ERCC6L2: variants seen among roughly 807,000 people sequenced by gnomAD.
The protein encoded by ERCC6L2 is DNA excision repair protein ERCC-6-like 2.
A neutral mutation model predicts 132.0 loss-of-function variants in ERCC6L2; 77 were observed. That is an observed-to-expected ratio of 0.58 (90% confidence interval 0.49 to 0.71). The LOEUF (loss-of-function observed/expected upper bound fraction) is 0.71, where lower values mean the gene tolerates loss of function less well. Among genes scored for constraint, ERCC6L2 ranks in the 30% least tolerant of loss-of-function variants. The pLI is 0.00. For missense variants in ERCC6L2, 1,542 were observed against 1,837.6 expected, an observed-to-expected ratio of 0.84 and a Z score of 2.94; for synonymous variants, 583 against 632.4, an observed-to-expected ratio of 0.92 and a Z score of 1.17.
intron 11 of ERCC6L2, among the ~76,000 whole-genome samples, chr9:95,937,222 G>A (rs1438303422): frequency 6.6e-6 from 1 of 152,136 alleles, no homozygotes; most frequent in Admixed American, 6.5e-5. Flanking sequence ...TGGCTATATG[G>A]TTTTACATTC....
rs145221304 is a variant in ERCC6L2 at position 95,939,514 on chromosome 9, G to A, written c.1752-1940G>A. 2.7e-3 allele frequency among the ~76,000 whole-genome samples: 414 copies of A among 152,108 alleles called. 1 individual carries two copies. The highest frequency in any genetic ancestry group is 9.6e-3 in the African/African-American group (397 of 41,518). ...ATGGTTTCTGATGTTTCTCTCTGTT[G>A]TTCATATTTCGTGAATGATACTGGT... On this transcript the variant is annotated intron_variant, in intron 11 of 18. Coordinates refer to ENST00000653738, the MANE Select transcript of ERCC6L2 (RefSeq NM_020207.7).
At chr9:95,920,983 G>A (rs1046458449) in intron 6 of ERCC6L2, among the ~76,000 whole-genome samples, 192 bp from the exon 7 acceptor site, 5 of 152,178 alleles carry the variant, frequency 3.3e-5, no homozygotes, top group African/African-American at 4.8e-5. Context: ...CACCATGTTG[G>A]CCAGGATGGT....
intron 12 of ERCC6L2, among the ~76,000 whole-genome samples, chr9:95,951,068 G>A (rs1414445873): frequency 1.3e-5 from 2 of 152,158 alleles, no homozygotes; most frequent in African/African-American, 4.8e-5. Flanking sequence ...TAAATCATGT[G>A]TTAGGCCACA....
At chr9:95,901,318 T>C (rs689627) in intron 3 of ERCC6L2, among the ~76,000 whole-genome samples, 88,612 of 151,778 alleles carry the variant, frequency 0.58, 26,138 homozygotes, top group East Asian at 0.79. Flanking sequence ...TGATGAAATT[T>C]GGAAATTTCC....
chr9:96,005,849 G>A (rs111444263), intron 18 of ERCC6L2, among the ~76,000 whole-genome samples: 2,039 of 152,264 alleles, frequency 0.013, 37 homozygotes, highest in Middle Eastern at 0.041. Context: ...GAAGGAACTC[G>A]GTGATGGGGG....
chr9:96,040,311 G>T (rs1834564526), intron 20 of ERCC6L2, among the ~76,000 whole-genome samples: 1 of 152,154 alleles, frequency 6.6e-6, no homozygotes, highest in African/African-American at 2.4e-5. Context: ...AGTCTCTGCT[G>T]CTGTGGTCAC....
At chr9:95,992,409 A>G (rs1474281092) in intron 17 of ERCC6L2, among the ~76,000 whole-genome samples, 2 of 152,240 alleles carry the variant, frequency 1.3e-5, no homozygotes, top group African/African-American at 4.8e-5. Context: ...TTGCCTTATC[A>G]TTAAATTCAC....
intron 11 of ERCC6L2, among the ~76,000 whole-genome samples, chr9:95,931,058 T>A (rs963371238): frequency 3.9e-5 from 6 of 152,168 alleles, no homozygotes; most frequent in Admixed American, 1.3e-4. Context: ...CAGGGGCAAG[T>A]AGTGCTAAGA....
At chr9:95,930,752 C>T (rs1325346051) in intron 11 of ERCC6L2, among the ~76,000 whole-genome samples, 9 of 151,960 alleles carry the variant, frequency 5.9e-5, no homozygotes, top group East Asian at 1.9e-4. Context: ...CTTGGTTTGC[C>T]GCCATGTTTT....
At chr9:95,982,082 C>T (rs1588018992) in intron 17 of ERCC6L2, among the ~76,000 whole-genome samples, 1 of 152,138 alleles carries the variant, frequency 6.6e-6, no homozygotes, top group South Asian at 2.1e-4. Flanking sequence ...ACACTTGGCA[C>T]TCTTGCAAGT....
chr9:95,923,168 C>G, intron 8 of ERCC6L2, 92 bp from the exon 9 acceptor site: 3 of 1,441,498 alleles, frequency 2.1e-6, no homozygotes, highest in Non-Finnish European at 9.2e-7. Context: ...TACATTCTTT[C>G]TAAAAAGAAT....
Position 95,928,067 on chromosome 9 carries a change from G to C in ERCC6L2, c.1534-12G>C, listed in dbSNP as rs1164985434. 7 of 1,605,110 alleles carry C rather than the reference G, an allele frequency of 4.4e-6. No homozygotes were observed. The highest frequency in any genetic ancestry group is 2.7e-5 in the African/African-American group (2 of 74,712). On this transcript the variant is annotated splice_polypyrimidine_tract_variant and intron_variant, in intron 9 of 18. Transcript: ENST00000653738. ...GGAACTGGTTCACTGATTTTCTGTG[G>C]TTCATTTTCAGGTCCTTCAGCAGCT...
chr9:95,908,628 G>A lies in ERCC6L2; in HGVS notation c.788+1357G>A, dbSNP rs574923093. Among the ~76,000 whole-genome samples, 4 of 152,270 alleles carry A rather than the reference G, an allele frequency of 2.6e-5. No individual in the cohort carries two copies. The East Asian group carries it at 7.7e-4, about 29-fold the overall frequency. On this transcript the variant is annotated intron_variant, in intron 4 of 18. Transcript: ENST00000653738. ...TGAAGTCTTCATAGTTGTTCCAGCA[G>A]TAGGCTGGGCCTTGGTAAAATCATT...
chr9:95,972,487 G>A lies in ERCC6L2; in HGVS notation c.2736G>A (p.Glu912=). ...TCTGTCCTACACAATACACAACTGA[G>A]AGATTCCCCGACAATAGTATAAGGT... is the stretch of plus-strand genomic sequence containing the variant. ...DVICPTQYTT[E]RFPDNSIRFK... is the part of the protein sequence containing the mutation. Residue 912 remains glutamate (E), a synonymous_variant, in exon 16 of 19, where the codon GAG becomes GAA. Coordinates refer to ENST00000653738, the MANE Select transcript of ERCC6L2 (RefSeq NM_020207.7). 7.8e-7 allele frequency: 1 copy of A among 1,289,796 alleles called. No homozygotes were observed. The highest frequency in any genetic ancestry group is 1.0e-6 in the Non-Finnish European group (1 of 988,860). The allele number at this position is 1,289,796 out of a possible 1,614,324, so 79.9% of individuals were successfully genotyped here. A position where few individuals can be genotyped will look rare whatever the true frequency, so the allele number is the denominator to read the frequency against.
intron 17 of ERCC6L2, among the ~76,000 whole-genome samples, chr9:95,986,085 A>G (rs1414565851): frequency 6.6e-6 from 1 of 150,744 alleles, no homozygotes; most frequent in East Asian, 2.0e-4. Flanking sequence ...CTCTCCCCCA[A>G]CTCTCCTCCA....
In ERCC6L2 at chr9:96,012,891, C is replaced by A. The variant is rs1410913033; in HGVS notation, c.4341C>A (p.Asp1447Glu). The part of the protein sequence containing the change: ...SLLGDTSILD[D>E]LFKSHGNSPT... ...TTGGTGATACCTCTATTCTTGATGACCTTTTTAAAAGTCATGGGAACAGTC... is the reference window on the plus strand; with the variant it reads ...TTGGTGATACCTCTATTCTTGATGAACTTTTTAAAAGTCATGGGAACAGTC... Residue 1447 changes from aspartate (D) to glutamate (E), a missense_variant, in exon 19 of 19, where the codon GAC becomes GAA. Asp to Glu is a conservative substitution (Grantham distance 45). Coordinates refer to ENST00000653738, the MANE Select transcript of ERCC6L2 (RefSeq NM_020207.7). 2 of 1,367,510 alleles carry A rather than the reference C, an allele frequency of 1.5e-6. No homozygotes were observed. Among genetic ancestry groups the A allele is most frequent in the African/African-American group, 3.0e-5 (2 of 67,742 alleles). The allele number at this position is 1,367,510 out of a possible 1,614,324, so 84.7% of individuals were successfully genotyped here. A position where few individuals can be genotyped will look rare whatever the true frequency, so the allele number is the denominator to read the frequency against.
intron 2 of ERCC6L2, among the ~76,000 whole-genome samples, chr9:95,896,408 A>ATTTTTTTTTTTTTGTTTTTTTTT (rs11371289): frequency 1.5e-5 from 2 of 136,484 alleles, no homozygotes; most frequent in Non-Finnish European, 3.1e-5. Flanking sequence ...TTGTTTTTTG[A>ATTTTTTTTTTTTTGTTTTTTTTT]TTTTTTTTTT....
intron 6 of ERCC6L2, among the ~76,000 whole-genome samples, chr9:95,917,492 G>A (rs1442725823): frequency 6.6e-6 from 1 of 152,128 alleles, no homozygotes; most frequent in Non-Finnish European, 1.5e-5. Context: ...AGGAAAATAC[G>A]ATATTGATAT....
chr9:95,902,119 T>G (rs1471879744), intron 3 of ERCC6L2, among the ~76,000 whole-genome samples: 1 of 151,218 alleles, frequency 6.6e-6, no homozygotes, highest in Non-Finnish European at 1.5e-5. Flanking sequence ...ACATCTCATA[T>G]ACATTTAAAA....
Sources: gnomAD v4.1 joint callset for allele counts (sites outside exome capture counted in the v4.1 genomes callset) on GRCh38, gnomAD v4.1.1 for gene constraint, MANE v1.5 for transcripts, NCBI Gene and HGNC (gene_info 2026-07-23, HGNC 2026-07-21) for gene names.